Variants in PPP2R2C observed in about 807,000 individuals in gnomAD.
PPP2R2C encodes protein phosphatase 2 regulatory subunit Bgamma.
A neutral mutation model predicts 45.3 loss-of-function variants in PPP2R2C; 10 were observed. The ratio of observed to expected loss-of-function variants is 0.22; its 90% confidence interval spans 0.14 to 0.37. PPP2R2C has a LOEUF of 0.37. Ranked by LOEUF, PPP2R2C falls within the 10% of genes least tolerant of loss-of-function variation. The pLI, the probability that PPP2R2C is intolerant of heterozygous loss-of-function variation, is 1.00. For synonymous variants in PPP2R2C, 257 were observed against 245.4 expected, an observed-to-expected ratio of 1.05 and a Z score of -0.44; for missense variants, 308 against 619.7, an observed-to-expected ratio of 0.50 and a Z score of 5.34.
chr4:6,344,077 G>A (rs2109212791), intron 6 of PPP2R2C, among the ~76,000 whole-genome samples: 1 of 152,280 alleles, frequency 6.6e-6, no homozygotes, highest in East Asian at 1.9e-4. Context: ...AGGCCCTTGG[G>A]GATTTGTCAG....
intron 5 of PPP2R2C, among the ~76,000 whole-genome samples, chr4:6,358,481 C>A: frequency 1.4e-5 from 2 of 140,342 alleles, no homozygotes; most frequent in African/African-American, 2.7e-5. Flanking sequence ...CCAAAATAGA[C>A]AAATGGGATC....
chr4:6,456,215 C>A (rs1721020749), intron 1 of PPP2R2C, among the ~76,000 whole-genome samples: 1 of 151,812 alleles, frequency 6.6e-6, no homozygotes, highest in Non-Finnish European at 1.5e-5. Flanking sequence ...TTAAAAGACA[C>A]AAAACATAGT....
rs149888117 is a variant in PPP2R2C at position 6,560,800 on chromosome 4, T to C, written c.-59+2760A>G. ...ACAGCTGAATCTTTGAATGTGTGTT[T>C]CCTAAGCAATGTCTGATGGAACAGC... On this transcript the variant is annotated intron_variant, in intron 1 of 9. Coordinates refer to the PPP2R2C transcript ENST00000506140. Among the ~76,000 whole-genome samples the C allele has an allele frequency of 2.5e-4, 38 of 152,346 alleles. No individual in the cohort carries two copies. The East Asian group carries it at 7.1e-3, about 29-fold the overall frequency.
intron 2 of PPP2R2C, among the ~76,000 whole-genome samples, chr4:6,511,738 A>T (rs1287048298): frequency 6.8e-5 from 1 of 14,770 alleles, no homozygotes; most frequent in African/African-American, 2.0e-4. Flanking sequence ...GGTGGAGGTG[A>T]TGGTGGTGAT....
At chr4:6,516,319 A>C (rs3934547) in intron 2 of PPP2R2C, among the ~76,000 whole-genome samples, 32,924 of 152,166 alleles carry the variant, frequency 0.22, 5,908 homozygotes, top group African/African-American at 0.49. Flanking sequence ...TTGCAGCCTG[A>C]AAAGAGGATG....
At chr4:6,445,083 G>A (rs1030864556) in intron 1 of PPP2R2C, among the ~76,000 whole-genome samples, 1 of 152,144 alleles carries the variant, frequency 6.6e-6, no homozygotes, top group Admixed American at 6.5e-5. Flanking sequence ...CAGCTACTCG[G>A]GAGGCTGAGG....
At chr4:6,392,680 G>A (rs1371028105) in intron 1 of PPP2R2C, among the ~76,000 whole-genome samples, 1 of 152,210 alleles carries the variant, frequency 6.6e-6, no homozygotes, top group African/African-American at 2.4e-5. Flanking sequence ...GGCTGGGCCG[G>A]GGTCCTGCAC....
intron 1 of PPP2R2C, among the ~76,000 whole-genome samples, chr4:6,409,544 A>G (rs1718012647): frequency 6.6e-6 from 1 of 152,190 alleles, no homozygotes; most frequent in African/African-American, 2.4e-5. Context: ...CATGAGGAAG[A>G]GGACTGGAGG....
Position 6,471,383 on chromosome 4 carries a change from G to A in PPP2R2C, c.70+777C>T, listed in dbSNP as rs1237315652. Among the ~76,000 whole-genome samples, 1 of 152,072 alleles carries A rather than the reference G, an allele frequency of 6.6e-6. No homozygotes were observed. Among genetic ancestry groups the A allele is most frequent in the Non-Finnish European group, 1.5e-5 (1 of 67,982 alleles). ...GAGGCAGACCAGGGGGCCCCCGGAA[G>A]TTCCAGGCCTGTAAGAGAGGGGCGC... is the stretch of plus-strand genomic sequence containing the variant. On this transcript the variant is annotated intron_variant, in intron 1 of 8. Coordinates refer to ENST00000382599, the MANE Select transcript of PPP2R2C (RefSeq NM_020416.4). This position sits in a 1 kb window ranked among gnomAD's most constrained non-coding sequence, Gnocchi z 5.6.
intron 1 of PPP2R2C, among the ~76,000 whole-genome samples, chr4:6,428,704 T>C (rs1319675175): frequency 6.6e-6 from 1 of 152,216 alleles, no homozygotes; most frequent in Non-Finnish European, 1.5e-5. Flanking sequence ...AACAGTGACA[T>C]TGGGATACCA....
chr4:6,531,519 C>A (rs1407573470), intron 2 of PPP2R2C, among the ~76,000 whole-genome samples: 1 of 151,214 alleles, frequency 6.6e-6, no homozygotes, highest in Non-Finnish European at 1.5e-5. Context: ...GGGAGCAAAG[C>A]GGGAATGAGC....
At chr4:6,461,593 C>G (rs896204032) in intron 1 of PPP2R2C, among the ~76,000 whole-genome samples, 2 of 152,158 alleles carry the variant, frequency 1.3e-5, no homozygotes, top group African/African-American at 4.8e-5. Context: ...GGTCTGGAGC[C>G]CCGCATCACT....
At chr4:6,380,343 C>T (rs774298451) in intron 2 of PPP2R2C, 1 of 152,426 alleles carries the variant, frequency 6.6e-6, no homozygotes, top group African/African-American at 2.4e-5. Flanking sequence ...GTTCCAGAAA[C>T]GTGGTCCTGG....
intron 1 of PPP2R2C, chr4:6,382,751 C>A: frequency 1.6e-6 from 1 of 611,568 alleles, no homozygotes; most frequent in Non-Finnish European, 2.4e-6. Flanking sequence ...GCCTTCACAG[C>A]ATATCGGGAT....
At chr4:6,454,250 T>A (rs1042685961) in intron 1 of PPP2R2C, among the ~76,000 whole-genome samples, 4 of 152,162 alleles carry the variant, frequency 2.6e-5, no homozygotes, top group Admixed American at 1.3e-4. Flanking sequence ...CTATCCCATC[T>A]GCTTTTCTAC....
At position 6,336,417 on chromosome 4, in the gene PPP2R2C, G is replaced by A. The variant is rs889435598; in HGVS notation, c.791-2686C>T. ...ACAGGCTGCCAGGGTCTCAATCCCC[G>A]AGCCCCTCGTGTGGCCTTGAACGCC... On this transcript the variant is annotated intron_variant, in intron 6 of 8. Transcript: ENST00000382599. 1.2e-4 allele frequency among the ~76,000 whole-genome samples: 18 copies of A among 152,130 alleles called. No individual in the cohort carries two copies. In the South Asian group the frequency reaches 1.5e-3, roughly 12 times the overall value.
At chr4:6,538,769 C>T (rs1724713571) in intron 1 of PPP2R2C, among the ~76,000 whole-genome samples, 1 of 152,206 alleles carries the variant, frequency 6.6e-6, no homozygotes, top group Admixed American at 6.5e-5. Context: ...GTTACAAAGG[C>T]AGCAGACGCG....
chr4:6,491,411 G>C (rs914421169), intron 2 of PPP2R2C, among the ~76,000 whole-genome samples: 4 of 152,214 alleles, frequency 2.6e-5, no homozygotes, highest in African/African-American at 9.6e-5. Context: ...GGTGGAACCA[G>C]TCCAGGTATT....
chr4:6,520,103 T>A (rs1723966121), intron 2 of PPP2R2C, among the ~76,000 whole-genome samples: 1 of 151,996 alleles, frequency 6.6e-6, no homozygotes, highest in African/African-American at 2.4e-5. Flanking sequence ...CAGGATCAGA[T>A]TCATAGGTTA....
Sources: allele counts gnomAD v4.1 joint callset (sites outside exome capture counted in the v4.1 genomes callset), GRCh38; gene constraint gnomAD v4.1.1; non-coding constraint Gnocchi (gnomAD v3.1); transcripts MANE v1.5; gene names NCBI Gene and HGNC (gene_info 2026-07-23, HGNC 2026-07-21).